The following SIPA1L3 variants were observed in gnomAD, a reference collection of about 807,000 sequenced individuals.
SIPA1L3 encodes signal-induced proliferation-associated 1-like protein 3.
In SIPA1L3, 59 loss-of-function variants were observed where a neutral mutation model predicts 150.1. The observed-to-expected ratio is 0.39, with a 90% confidence interval of 0.32 to 0.49. The LOEUF is 0.49. SIPA1L3 is among the 20% of genes least tolerant of loss of function. The pLI is 0.86. For missense variants in SIPA1L3, 2,211 were observed against 2,489.5 expected (o/e 0.89, Z 2.38); for synonymous variants, 1,070 against 1,077.6 (o/e 0.99, Z 0.14).
At chr19:37,987,218 G>A (rs765330614) in intron 1 of SIPA1L3, among the ~76,000 whole-genome samples, 17 of 152,160 alleles carry the variant, frequency 1.1e-4, no homozygotes, top group African/African-American at 3.9e-4. Context: ...GTGAGCCACC[G>A]CGCCCGGACA....
intron 10 of SIPA1L3, among the ~76,000 whole-genome samples, chr19:38,137,671 T>C (rs1035178185): frequency 6.6e-6 from 1 of 152,134 alleles, no homozygotes; most frequent in Non-Finnish European, 1.5e-5. Flanking sequence ...TATTATTTTT[T>C]TGGACACAGG....
chr19:37,961,217 G>A (rs1239190402), intron 1 of SIPA1L3, among the ~76,000 whole-genome samples: 4 of 148,798 alleles, frequency 2.7e-5, no homozygotes, highest in African/African-American at 7.5e-5. Context: ...TGGGGATCTC[G>A]CTGTGTTGCC....
chr19:38,173,241 C>T (rs1235834159), intron 15 of SIPA1L3, among the ~76,000 whole-genome samples: 5 of 152,256 alleles, frequency 3.3e-5, no homozygotes, highest in Non-Finnish European at 7.3e-5. Context: ...TGGGTCCTGA[C>T]ACGCCCAAGC....
At position 38,106,587 on chromosome 19, in the gene SIPA1L3, A is replaced by G; in HGVS notation, c.2080A>G (p.Ile694Val). The G allele has an allele frequency of 6.2e-7, 1 of 1,614,100 alleles. No homozygotes were observed. The highest frequency in any genetic ancestry group is 8.5e-7 in the Non-Finnish European group (1 of 1,179,974). ...SLYTMYQDYE[I>V]MFHVSTLLPY... ...CTACACGATGTACCAGGACTACGAGATCATGTTCCATGTCTCCACCCTGCT... is the reference window on the plus strand; with the variant it reads ...CTACACGATGTACCAGGACTACGAGGTCATGTTCCATGTCTCCACCCTGCT... The change falls in exon 7 of 22, where the codon ATC (isoleucine) becomes GTC (valine). Residue 694 changes from isoleucine to valine, a missense_variant. Physicochemically the swap from Ile to Val is conservative, Grantham distance 29 (BLOSUM62 3). Transcript: ENST00000222345.
intron 15 of SIPA1L3, among the ~76,000 whole-genome samples, chr19:38,168,386 T>TA (rs1972254484): frequency 6.6e-6 from 1 of 150,798 alleles, no homozygotes; most frequent in African/African-American, 2.4e-5. Flanking sequence ...GACTCCATCT[T>TA]AAAAAACAAA....
chr19:38,035,684 G>T (rs1968764567), intron 2 of SIPA1L3, among the ~76,000 whole-genome samples: 1 of 152,120 alleles, frequency 6.6e-6, no homozygotes, highest in South Asian at 2.1e-4. Flanking sequence ...ACCTAGGACA[G>T]TACCTGGCAC....
chr19:38,176,893 C>T (rs1316120772), intron 15 of SIPA1L3, among the ~76,000 whole-genome samples: 1 of 151,704 alleles, frequency 6.6e-6, no homozygotes, highest in Non-Finnish European at 1.5e-5. Flanking sequence ...ATCGCTTGAA[C>T]CTGGGAGGCG....
chr19:38,101,013 G>C (rs374261035), intron 5 of SIPA1L3, 39 bp from the exon 6 acceptor site: 9 of 1,501,118 alleles, frequency 6.0e-6, no homozygotes, highest in Non-Finnish European at 8.0e-6. Flanking sequence ...TGCCATCTCT[G>C]CCTGGCCTGC....
At chr19:38,055,110 C>T (rs893312589) in intron 2 of SIPA1L3, among the ~76,000 whole-genome samples, 84 of 152,328 alleles carry the variant, frequency 5.5e-4, no homozygotes, top group Admixed American at 5.4e-3. Flanking sequence ...GGTGACCTCC[C>T]CTGCTGGCCT....
chr19:37,942,714 G>A (rs1263423838), intron 1 of SIPA1L3, among the ~76,000 whole-genome samples: 1 of 152,088 alleles, frequency 6.6e-6, no homozygotes, highest in Non-Finnish European at 1.5e-5. Flanking sequence ...CCGGATGAGA[G>A]TGGTGGCAAT....
chr19:38,129,924 A>G (rs1971268205), intron 9 of SIPA1L3, among the ~76,000 whole-genome samples: 1 of 151,916 alleles, frequency 6.6e-6, no homozygotes, highest in Non-Finnish European at 1.5e-5. Context: ...AAAATTAGCC[A>G]GGCGTGGTAG....
chr19:37,991,101 A>G (rs775446214), intron 1 of SIPA1L3, among the ~76,000 whole-genome samples: 8 of 152,120 alleles, frequency 5.3e-5, no homozygotes, highest in Non-Finnish European at 8.8e-5. Flanking sequence ...GCGTAGTGGC[A>G]CGTGTCTGTA....
chr19:38,179,434 T>C (rs1307919767), intron 15 of SIPA1L3, among the ~76,000 whole-genome samples: 1 of 152,170 alleles, frequency 6.6e-6, no homozygotes, highest in Non-Finnish European at 1.5e-5. Context: ...AGAGTAAGAC[T>C]CTGTCTCAAA....
intron 9 of SIPA1L3, among the ~76,000 whole-genome samples, chr19:38,123,202 G>A (rs1318058777): frequency 6.6e-6 from 1 of 152,130 alleles, no homozygotes; most frequent in Non-Finnish European, 1.5e-5. Context: ...AGGAAACTGA[G>A]GCCCAGAGAT....
chr19:38,181,101 G>A lies in SIPA1L3; in HGVS notation c.4209-1418G>A, dbSNP rs541487436. 9.2e-5 allele frequency among the ~76,000 whole-genome samples: 14 copies of A among 152,254 alleles called. No homozygotes were observed. In the East Asian group the frequency reaches 1.2e-3, roughly 13 times the overall value. On this transcript the variant is annotated intron_variant, in intron 15 of 21. Transcript: ENST00000222345. ...TTCACTCACTGAGCTGGGAAGAGGT[G>A]GGGGGAGGACAAAATGCGACAAATT...
chr19:38,062,214 A>G (rs894398028), intron 2 of SIPA1L3, among the ~76,000 whole-genome samples: 3 of 152,138 alleles, frequency 2.0e-5, no homozygotes, highest in Admixed American at 6.6e-5. Context: ...CCAAAGCATA[A>G]GCCTAATTTC....
chr19:38,135,883 T>G (rs1016858919), intron 10 of SIPA1L3, among the ~76,000 whole-genome samples: 1 of 151,922 alleles, frequency 6.6e-6, no homozygotes, highest in African/African-American at 2.4e-5. Flanking sequence ...AAATGTCTGT[T>G]GTAGTGAGCT....
Position 38,193,491 on chromosome 19 carries a change from TG to T in SIPA1L3, c.4597-45del, listed in dbSNP as rs1972848715. 6 of 1,420,190 alleles carry T rather than the reference TG, an allele frequency of 4.2e-6. No homozygotes were observed. In the South Asian group the frequency reaches 8.0e-5, roughly 19 times the overall value. 88.0% of individuals were successfully genotyped at this position (1,420,190 alleles called of 1,614,324 possible). On this transcript the variant is annotated intron_variant, in intron 17 of 21. Transcript: ENST00000222345. Reference sequence around the variant, plus strand: ...AAGATGCCTCTGAGGACCCTGGCTATGAGCCAGTCTGTGACCTCCCCCAACA... The same window carrying T: ...AAGATGCCTCTGAGGACCCTGGCTATAGCCAGTCTGTGACCTCCCCCAACA...
chr19:38,040,765 A>G (rs1599942481), intron 2 of SIPA1L3, among the ~76,000 whole-genome samples: 1 of 152,292 alleles, frequency 6.6e-6, no homozygotes, highest in South Asian at 2.1e-4. Context: ...ATTTGTCCCT[A>G]TCTTGCTTTT....
Sources: gnomAD v4.1 joint callset for allele counts (sites outside exome capture counted in the v4.1 genomes callset) on GRCh38, gnomAD v4.1.1 for gene constraint, MANE v1.5 for transcripts, NCBI Gene and HGNC (gene_info 2026-07-23, HGNC 2026-07-21) for gene names.